Variants in ITGA6 observed in about 807,000 individuals in gnomAD.
ITGA6 encodes integrin alpha-6.
A neutral mutation model predicts 133.6 loss-of-function variants in ITGA6; 63 were observed. That is an observed-to-expected ratio of 0.47 (90% CI 0.38 to 0.58). The LOEUF (loss-of-function observed/expected upper bound fraction) is 0.58, where lower values mean the gene tolerates loss of function less well. Among genes scored for constraint, ITGA6 ranks in the 20% least tolerant of loss-of-function variants. The pLI is 0.00. For synonymous variants in ITGA6, 434 were observed against 482.0 expected, an observed-to-expected ratio of 0.90 and a Z score of 1.30; for missense variants, 1,068 against 1,309.4, an observed-to-expected ratio of 0.82 and a Z score of 2.85.
Position 172,445,833 on chromosome 2 carries a change from C to G in ITGA6, c.182+17863C>G, listed in dbSNP as rs184292545. ...AACCTCAAACTCAAGGTGGTGGCAC[C>G]TACATTCCAGGCAGCTGAAGAAAGG... On this transcript the variant is annotated intron_variant, in intron 1 of 25. Coordinates refer to ENST00000684293, the MANE Select transcript of ITGA6 (RefSeq NM_000210.4). 2.0e-4 allele frequency among the ~76,000 whole-genome samples: 31 copies of G among 152,222 alleles called. No homozygotes were observed. The East Asian group carries it at 6.0e-3, about 29-fold the overall frequency.
intron 1 of ITGA6, among the ~76,000 whole-genome samples, chr2:172,428,924 G>A (rs750218863): frequency 1.8e-4 from 28 of 152,134 alleles, no homozygotes; most frequent in Non-Finnish European, 4.1e-4. Context: ...ATCGCTATGG[G>A]GTTGCATTCT....
At chr2:172,473,056 A>G (rs185243901) in intron 5 of ITGA6, among the ~76,000 whole-genome samples, 2 of 152,284 alleles carry the variant, frequency 1.3e-5, no homozygotes, top group East Asian at 3.9e-4. Flanking sequence ...TGGTTGTAAG[A>G]GCTGGACTCC....
At chr2:172,433,164 G>A (rs1363397743) in intron 1 of ITGA6, among the ~76,000 whole-genome samples, 3 of 152,112 alleles carry the variant, frequency 2.0e-5, no homozygotes, top group Non-Finnish European at 4.4e-5. Flanking sequence ...TCCCTTTCTG[G>A]GCTTGGGTAC....
rs1317068364 is a variant in ITGA6 at position 172,487,424 on chromosome 2, T to C, written c.2131T>C (p.Ser711Pro). 6.2e-7 allele frequency: 1 copy of C among 1,614,044 alleles called. No individual in the cohort carries two copies. The highest frequency in any genetic ancestry group is 8.5e-7 in the Non-Finnish European group (1 of 1,180,012). ...AACGTTTCCAGACACTTTAACCTAT[T>C]CTGCATATAGAGAACTGAGGGCTTT... ...IATFPDTLTYSAYRELRAFPE... is the reference protein window; with the variant it reads ...IATFPDTLTYPAYRELRAFPE... The change falls in exon 15 of 26, where the codon TCT (serine) becomes CCT (proline). Residue 711 changes from serine to proline, a missense_variant. This residue lies in a region of ITGA6 where 609 missense variants were observed against 707.2 expected (regional missense o/e 0.86). Coordinates refer to ENST00000684293, the MANE Select transcript of ITGA6 (RefSeq NM_000210.4).
At chr2:172,478,807 G>A (rs1038795475) in intron 9 of ITGA6, among the ~76,000 whole-genome samples, 5 of 152,152 alleles carry the variant, frequency 3.3e-5, no homozygotes, top group Non-Finnish European at 5.9e-5. Context: ...GTTGTGGGTG[G>A]GAGACTCCGA....
intron 7 of ITGA6, among the ~76,000 whole-genome samples, 199 bp downstream of exon 7, chr2:172,475,321 G>A (rs528093157): frequency 6.6e-6 from 1 of 152,254 alleles, no homozygotes; most frequent in East Asian, 1.9e-4. Context: ...TGGGTGTGGT[G>A]GCACATGCCT....
intron 23 of ITGA6, among the ~76,000 whole-genome samples, chr2:172,492,533 T>C (rs1686967314): frequency 6.6e-6 from 1 of 152,234 alleles, no homozygotes; most frequent in Non-Finnish European, 1.5e-5. Flanking sequence ...TTTTAAAAAC[T>C]GAGAAGCATG....
chr2:172,477,678 C>A (rs928034057), intron 9 of ITGA6, among the ~76,000 whole-genome samples: 1 of 152,224 alleles, frequency 6.6e-6, no homozygotes, highest in Middle Eastern at 3.2e-3. Context: ...CAACCCTGTA[C>A]ACTTGTTCCC....
rs527526018 is a variant in ITGA6 at position 172,492,969 on chromosome 2, C to T, written c.2988+1446C>T. On this transcript the variant is annotated intron_variant, in intron 23 of 25. Coordinates refer to ENST00000684293, the MANE Select transcript of ITGA6 (RefSeq NM_000210.4). Reference sequence around the variant, plus strand: ...TGTTACCCAGGCTGGAGTGCAGTGGCGCAAACACAGCTCACTGCAGCCTTG... The same window carrying T: ...TGTTACCCAGGCTGGAGTGCAGTGGTGCAAACACAGCTCACTGCAGCCTTG... Among the ~76,000 whole-genome samples the T allele has an allele frequency of 2.6e-5, 4 of 152,194 alleles. No individual in the cohort carries two copies. In the East Asian group the frequency reaches 5.8e-4, roughly 22 times the overall value.
intron 13 of ITGA6, among the ~76,000 whole-genome samples, chr2:172,486,103 C>G (rs13412041): frequency 0.19 from 26,559 of 140,632 alleles, 3,140 homozygotes; most frequent in African/African-American, 0.36. Flanking sequence ...TTAAACCCGG[C>G]AGGTGGAGTT....
chr2:172,468,880 T>C (rs1685795758), intron 3 of ITGA6: 1 of 456,542 alleles, frequency 2.2e-6, no homozygotes, highest in Non-Finnish European at 4.0e-6. Context: ...TGTCATTCAA[T>C]TTTGGATTGG....
intron 1 of ITGA6, among the ~76,000 whole-genome samples, chr2:172,451,309 A>T (rs1412360977): frequency 6.6e-6 from 1 of 151,908 alleles, no homozygotes; most frequent in Non-Finnish European, 1.5e-5. Flanking sequence ...TACTAAAAAT[A>T]CAAAAATTAG....
intron 1 of ITGA6, among the ~76,000 whole-genome samples, chr2:172,433,830 C>T (rs1684207558): frequency 6.6e-6 from 1 of 152,220 alleles, no homozygotes; most frequent in Admixed American, 6.5e-5. Context: ...TTCGTAGCTA[C>T]TAAGCCATAG....
chr2:172,433,864 G>A (rs556449671), intron 1 of ITGA6, among the ~76,000 whole-genome samples: 2 of 152,304 alleles, frequency 1.3e-5, no homozygotes, highest in South Asian at 4.1e-4. Flanking sequence ...AGGTCTCAGT[G>A]TTCAGAGATG....
intron 8 of ITGA6, 53 bp from the exon 9 acceptor site, chr2:172,476,342 A>G (rs781445251): frequency 5.3e-6 from 5 of 950,590 alleles, no homozygotes; most frequent in Non-Finnish European, 7.0e-6. Flanking sequence ...AAGCATTGTT[A>G]AGAAGCTCAT....
rs1211485592 is a variant in ITGA6, at chr2:172,489,498, G to A, written c.2519G>A (p.Gly840Asp). ...ATTTTCTAACAGGTAATAAACTTAG[G>A]TAAACCTCTTACAAACCTCGGCACA... ...IEYEFRVINL[G>D]KPLTNLGTAT... Residue 840 changes from glycine (G) to aspartate (D), a missense_variant, in exon 20 of 26, where the codon GGT becomes GAT. Physicochemically the swap from Gly to Asp is moderately conservative, Grantham distance 94. Coordinates refer to ENST00000684293, the MANE Select transcript of ITGA6 (RefSeq NM_000210.4). The A allele has an allele frequency of 3.1e-6, 5 of 1,612,894 alleles. No individual in the cohort carries two copies. Among genetic ancestry groups the A allele is most frequent in the Non-Finnish European group, 4.2e-6 (5 of 1,178,908 alleles).
intron 1 of ITGA6, among the ~76,000 whole-genome samples, chr2:172,430,835 C>A (rs1330098461): frequency 5.9e-5 from 9 of 152,122 alleles, no homozygotes; most frequent in African/African-American, 1.9e-4. Context: ...GGTCTGAGCA[C>A]CTTGGACTCT....
intron 1 of ITGA6, among the ~76,000 whole-genome samples, chr2:172,445,388 G>T (rs1310350752): frequency 7.1e-6 from 1 of 141,822 alleles, no homozygotes; most frequent in Admixed American, 7.2e-5. Flanking sequence ...GGTGGCTCAC[G>T]CCTGTAATCC....
At position 172,485,177 on chromosome 2, in the gene ITGA6, A is replaced by C. The variant is rs1335020683; in HGVS notation, c.1767A>C (p.Gln589His). Reference protein sequence around the residue: ...PIPITASVEIQEPSSRRRVNS... With the variant: ...PIPITASVEIHEPSSRRRVNS... ...CCATAACTGCCTCAGTGGAGATCCA[A>C]GAGCCAAGCTCTCGTAGGCGAGTGA... is the stretch of plus-strand genomic sequence containing the variant. The change falls in exon 13 of 26, where the codon CAA becomes CAC. Residue 589 changes from glutamine (Q) to histidine (H), a missense_variant. Coordinates refer to ENST00000684293, the MANE Select transcript of ITGA6 (RefSeq NM_000210.4). The C allele has an allele frequency of 6.2e-7, 1 of 1,613,738 alleles. No individual in the cohort carries two copies. Among genetic ancestry groups the C allele is most frequent in the African/African-American group, 1.3e-5 (1 of 74,924 alleles).
Sources: allele counts gnomAD v4.1 joint callset (sites outside exome capture counted in the v4.1 genomes callset), GRCh38; gene constraint gnomAD v4.1.1; regional missense constraint gnomAD v4.1.1; transcripts MANE v1.5; gene names NCBI Gene and HGNC (gene_info 2026-07-23, HGNC 2026-07-21).